The following PRKD1 variants were observed in gnomAD, a reference collection of about 807,000 sequenced individuals.
PRKD1 encodes protein kinase D1, also known as serine/threonine-protein kinase D1.
A neutral mutation model predicts 95.9 loss-of-function variants in PRKD1; 63 were observed. The observed-to-expected ratio is 0.66, with a 90% CI of 0.54 to 0.81. The LOEUF (loss-of-function observed/expected upper bound fraction) is 0.81. PRKD1 is among the 30% of genes least tolerant of loss of function. PRKD1 has a pLI of 0.00. For synonymous variants in PRKD1, 425 were observed against 423.1 expected, an observed-to-expected ratio of 1.00 and a Z score of -0.05; for missense variants, 1,048 against 1,165.3, an observed-to-expected ratio of 0.90 and a Z score of 1.47.
At chr14:29,767,966 T>C (rs1888329474) in intron 1 of PRKD1, among the ~76,000 whole-genome samples, 2 of 152,244 alleles carry the variant, frequency 1.3e-5, no homozygotes, top group African/African-American at 2.4e-5. Flanking sequence ...TAACATTTAT[T>C]ATCTACTGTT....
At chr14:29,713,186 A>G (rs1049905290) in intron 2 of PRKD1, among the ~76,000 whole-genome samples, 2 of 152,152 alleles carry the variant, frequency 1.3e-5, no homozygotes, top group East Asian at 1.9e-4. Flanking sequence ...TCATCACTGC[A>G]TAGGAAGAAA....
intron 1 of PRKD1, among the ~76,000 whole-genome samples, chr14:29,781,398 C>G (rs1023989914): frequency 6.6e-6 from 1 of 152,194 alleles, no homozygotes; most frequent in African/African-American, 2.4e-5. Context: ...GACAGTGACA[C>G]ACCAGTTTAC....
chr14:29,859,776 T>C (rs551250247), intron 1 of PRKD1, among the ~76,000 whole-genome samples: 27 of 152,322 alleles, frequency 1.8e-4, no homozygotes, highest in African/African-American at 6.0e-4. Flanking sequence ...TATGAAGTTA[T>C]ATGGCTTGGT....
chr14:29,702,807 C>G (rs1884904267), intron 2 of PRKD1, among the ~76,000 whole-genome samples: 1 of 151,938 alleles, frequency 6.6e-6, no homozygotes, highest in South Asian at 2.1e-4. Context: ...TATTGATTTT[C>G]TTCCTGAGAC....
At chr14:29,789,550 G>A (rs867360302) in intron 1 of PRKD1, among the ~76,000 whole-genome samples, 9 of 152,160 alleles carry the variant, frequency 5.9e-5, no homozygotes, top group African/African-American at 1.2e-4. Flanking sequence ...TTGGGCTGTC[G>A]TGAGACTGCT....
intron 1 of PRKD1, among the ~76,000 whole-genome samples, chr14:29,875,354 T>C (rs1487633340): frequency 1.3e-5 from 2 of 152,156 alleles, no homozygotes; most frequent in African/African-American, 2.4e-5. Flanking sequence ...AAGAAGTAAA[T>C]TAAATTGTGC....
chr14:29,881,677 A>T (rs1319263132), intron 1 of PRKD1, among the ~76,000 whole-genome samples: 1 of 151,004 alleles, frequency 6.6e-6, no homozygotes, highest in African/African-American at 2.4e-5. Flanking sequence ...CAGTTTGGGG[A>T]CCTCTCTTGA....
intron 1 of PRKD1, among the ~76,000 whole-genome samples, chr14:29,737,238 C>T (rs1224966897): frequency 1.4e-5 from 2 of 140,250 alleles, no homozygotes; most frequent in South Asian, 2.4e-4. Flanking sequence ...AGGAGAATGG[C>T]GTGAACCCGG....
chr14:29,583,248 G>T (rs1420919463), intron 16 of PRKD1, among the ~76,000 whole-genome samples: 1 of 152,140 alleles, frequency 6.6e-6, no homozygotes, highest in African/African-American at 2.4e-5. Context: ...GGAACATAGT[G>T]CGGTCTTTCA....
intron 2 of PRKD1, among the ~76,000 whole-genome samples, chr14:29,695,297 T>C (rs1023922001): frequency 1.3e-5 from 2 of 151,592 alleles, no homozygotes; most frequent in African/African-American, 4.9e-5. Flanking sequence ...AAAATGACTG[T>C]AGACATTTGA....
chr14:29,656,629 T>C, intron 4 of PRKD1: 4 of 1,106,974 alleles, frequency 3.6e-6, no homozygotes, highest in Non-Finnish European at 5.2e-6. Flanking sequence ...AGGCATGCTT[T>C]CAAAAAAAAG....
intron 13 of PRKD1, among the ~76,000 whole-genome samples, chr14:29,603,761 G>T (rs898663976): frequency 3.3e-5 from 5 of 152,262 alleles, no homozygotes; most frequent in African/African-American, 1.2e-4. Flanking sequence ...TGTGCAAAAA[G>T]AGTTTTGCCC....
At chr14:29,924,422 G>A (rs1895227122) in intron 1 of PRKD1, among the ~76,000 whole-genome samples, 2 of 152,252 alleles carry the variant, frequency 1.3e-5, no homozygotes, top group South Asian at 4.1e-4. Context: ...GTTTCTCAGG[G>A]AAACTTATGC....
intron 1 of PRKD1, among the ~76,000 whole-genome samples, chr14:29,834,493 T>A (rs1891535421): frequency 6.6e-6 from 1 of 152,128 alleles, no homozygotes; most frequent in Admixed American, 6.5e-5. Flanking sequence ...AATTCTGGGT[T>A]TAGCTAGCCC....
chr14:29,896,915 G>A (rs2139423176), intron 1 of PRKD1, among the ~76,000 whole-genome samples: 1 of 152,052 alleles, frequency 6.6e-6, no homozygotes, highest in African/African-American at 2.4e-5. Context: ...ATCCAATAAT[G>A]TAAGTGCATG....
chr14:29,867,655 C>A (rs1892957128), intron 1 of PRKD1, among the ~76,000 whole-genome samples: 1 of 152,184 alleles, frequency 6.6e-6, no homozygotes, highest in Non-Finnish European at 1.5e-5. Flanking sequence ...GTGATCAAAT[C>A]TGTGTTGCTA....
chr14:29,792,504 T>C (rs1889593729), intron 1 of PRKD1, among the ~76,000 whole-genome samples: 1 of 152,138 alleles, frequency 6.6e-6, no homozygotes, highest in Non-Finnish European at 1.5e-5. Flanking sequence ...AATAATTGTA[T>C]TCACTATTTA....
intron 2 of PRKD1, among the ~76,000 whole-genome samples, chr14:29,671,515 T>C (rs866268501): frequency 6.6e-5 from 10 of 152,300 alleles, no homozygotes; most frequent in South Asian, 4.1e-4. Flanking sequence ...ATAAATAGTT[T>C]AATGCTAACA....
intron 1 of PRKD1, among the ~76,000 whole-genome samples, chr14:29,781,130 G>A (rs1889024255): frequency 7.6e-6 from 1 of 131,286 alleles, no homozygotes; most frequent in Non-Finnish European, 1.6e-5. Context: ...CACACACTGG[G>A]GCCTGTCGTG....
Sources: allele counts gnomAD v4.1 joint callset (sites outside exome capture counted in the v4.1 genomes callset), GRCh38; gene constraint gnomAD v4.1.1; transcripts MANE v1.5; gene names NCBI Gene and HGNC (gene_info 2026-07-23, HGNC 2026-07-21).